Variants in AJAP1 observed in about 807,000 individuals in gnomAD.
AJAP1 encodes the protein adherens junction-associated protein 1.
AJAP1 carries 5 observed loss-of-function variants against 35.0 expected under a neutral mutation model. The observed-to-expected ratio is 0.14, with a 90% CI of 0.07 to 0.30. AJAP1 has a LOEUF of 0.30. AJAP1 is among the 10% of genes least tolerant of loss of function. The pLI, the probability that AJAP1 is intolerant of heterozygous loss-of-function variation, is 1.00. For missense variants in AJAP1, 586 were observed against 571.0 expected (o/e 1.03, Z -0.27); for synonymous variants, 284 against 249.3 (o/e 1.14, Z -1.31).
intron 1 of AJAP1, among the ~76,000 whole-genome samples, chr1:4,657,851 C>G (rs970908234): frequency 3.3e-5 from 5 of 151,760 alleles, no homozygotes; most frequent in Non-Finnish European, 7.4e-5. Context: ...GAGGGAGAAG[C>G]AGATTGAGAC....
At chr1:4,683,595 G>T (rs2100213131) in intron 1 of AJAP1, among the ~76,000 whole-genome samples, 1 of 152,334 alleles carries the variant, frequency 6.6e-6, no homozygotes, top group African/African-American at 2.4e-5. Flanking sequence ...ATTTCTACGG[G>T]TTTTAGGAAA....
At chr1:4,702,125 CGTGTCCCCAGTGTTCTCAT>C (rs1183580565) in intron 1 of AJAP1, among the ~76,000 whole-genome samples, 1 of 151,850 alleles carries the variant, frequency 6.6e-6, no homozygotes, top group Non-Finnish European at 1.5e-5. Context: ...AGTATTCCAA[CGTGTCCCCAGTGTTCTCAT>C]GTGTCCCCAG....
chr1:4,772,712 C>CT (rs1641864364), intron 4 of AJAP1, among the ~76,000 whole-genome samples, 187 bp downstream of exon 4: 1 of 152,194 alleles, frequency 6.6e-6, no homozygotes, highest in East Asian at 1.9e-4. Context: ...TAGCAACAGG[C>CT]GTTTAGCTGC....
intron 2 of AJAP1, among the ~76,000 whole-genome samples, chr1:4,761,615 A>G (rs767999353): frequency 6.6e-6 from 1 of 152,200 alleles, no homozygotes; most frequent in Non-Finnish European, 1.5e-5. Flanking sequence ...ATTGATGTAT[A>G]TATAAGGGGA....
chr1:4,730,951 T>G (rs568633052), intron 2 of AJAP1, among the ~76,000 whole-genome samples: 1 of 152,344 alleles, frequency 6.6e-6, no homozygotes, highest in South Asian at 2.1e-4. Context: ...GTATGTCCTC[T>G]TAGTCTCACT....
At chr1:4,756,401 CT>C (rs1429419487) in intron 2 of AJAP1, among the ~76,000 whole-genome samples, 1 of 152,140 alleles carries the variant, frequency 6.6e-6, no homozygotes, top group African/African-American at 2.4e-5. Flanking sequence ...ATGGCCTGAC[CT>C]TTTCTGACCC....
At position 4,769,800 on chromosome 1, in the gene AJAP1, G is replaced by T. The variant is rs770490485; in HGVS notation, c.830-53G>T. On this transcript the variant is annotated intron_variant, in intron 2 of 5. Coordinates refer to ENST00000378191, the MANE Select transcript of AJAP1 (RefSeq NM_018836.4). ...ACCTCCACCTTTCCCGGCCCCCCTC[G>T]CCTCCTGAACCTGGTTTCACGGGTG... is the stretch of plus-strand genomic sequence containing the variant. 9 of 1,497,402 alleles carry T rather than the reference G, an allele frequency of 6.0e-6. No homozygotes were observed. The Admixed American group carries it at 1.0e-4, about 17-fold the overall frequency. The allele number at this position is 1,497,402 out of a possible 1,614,324, so 92.8% of individuals were successfully genotyped here.
intron 2 of AJAP1, among the ~76,000 whole-genome samples, chr1:4,716,918 C>G (rs1025136301): frequency 6.6e-6 from 1 of 151,886 alleles, no homozygotes; most frequent in Non-Finnish European, 1.5e-5. Context: ...GTAGATGGCA[C>G]TAGCCAAGAA....
intron 1 of AJAP1, among the ~76,000 whole-genome samples, chr1:4,674,356 C>T (rs750085280): frequency 4.1e-4 from 63 of 152,334 alleles, no homozygotes; most frequent in Non-Finnish European, 6.6e-4. Flanking sequence ...GTTTTATTGG[C>T]ACCATGGCCC....
At chr1:4,717,083 C>T (rs1048091005) in intron 2 of AJAP1, among the ~76,000 whole-genome samples, 1 of 152,214 alleles carries the variant, frequency 6.6e-6, no homozygotes, top group Admixed American at 6.5e-5. Flanking sequence ...CCTTCTATGA[C>T]AGCTCTCTTG....
intron 5 of AJAP1, among the ~76,000 whole-genome samples, chr1:4,776,176 G>A (rs558111086): frequency 2.6e-5 from 4 of 152,104 alleles, no homozygotes; most frequent in South Asian, 2.1e-4. Context: ...ACGGCAGCTC[G>A]TGGAACACTT....
intron 5 of AJAP1, among the ~76,000 whole-genome samples, chr1:4,780,588 C>T (rs527672957): frequency 4.6e-5 from 7 of 151,428 alleles, no homozygotes; most frequent in African/African-American, 1.2e-4. Flanking sequence ...CCCAAAGGCA[C>T]GTCCCCTTTC....
At chr1:4,712,933 G>A (rs956123843) in intron 2 of AJAP1, among the ~76,000 whole-genome samples, 2 of 152,174 alleles carry the variant, frequency 1.3e-5, no homozygotes, top group African/African-American at 4.8e-5. Context: ...ACCTAGAAGT[G>A]GGCGCTGCAC....
At chr1:4,755,191 G>T (rs964844248) in intron 2 of AJAP1, among the ~76,000 whole-genome samples, 1 of 152,184 alleles carries the variant, frequency 6.6e-6, no homozygotes, top group South Asian at 2.1e-4. Flanking sequence ...CTATTTATCT[G>T]TTTATTGTTT....
At position 4,787,668 on chromosome 1, in the gene AJAP1, G is replaced by A. The variant is rs1256710164; in HGVS notation, c.*5183G>A. The stretch of plus-strand genomic sequence containing the variant: ...GAGCTTGCCCCATCCCTGGGCACTG[G>A]CTCTGCCCAGCCCCTCCCATGTTGG... On this transcript the variant is annotated 3_prime_UTR_variant, in exon 6 of 6. Transcript: ENST00000378191. 1 of 456,082 alleles carries A rather than the reference G, an allele frequency of 2.2e-6. No homozygotes were observed. The highest frequency in any genetic ancestry group is 2.3e-5 in the Admixed American group (1 of 42,554). 28.3% of individuals were successfully genotyped at this position (456,082 alleles called of 1,614,324 possible).
chr1:4,712,064 G>A lies in AJAP1; in HGVS notation c.194G>A (p.Ser65Asn). 3 of 1,583,926 alleles carry A rather than the reference G, an allele frequency of 1.9e-6. No individual in the cohort carries two copies. Among genetic ancestry groups the A allele is most frequent in the East Asian group, 2.4e-5 (1 of 42,420 alleles). ...CCGCCCCGGCCGCCCCGGCTGTGGAGTTTTAGGAGTGGACAGCCAGCGCGG... is the reference window on the plus strand; with the variant it reads ...CCGCCCCGGCCGCCCCGGCTGTGGAATTTTAGGAGTGGACAGCCAGCGCGG... ...RSPPRPPRLW[S>N]FRSGQPARVP... The change falls in exon 2 of 6, where the codon AGT (serine) becomes AAT (asparagine). Residue 65 changes from serine (S) to asparagine (N), a missense_variant. By Grantham distance (46) the Ser-to-Asn change is conservative. Coordinates refer to ENST00000378191, the MANE Select transcript of AJAP1 (RefSeq NM_018836.4).
chr1:4,710,101 C>T (rs182448469), intron 1 of AJAP1, among the ~76,000 whole-genome samples: 16 of 152,154 alleles, frequency 1.1e-4, no homozygotes, highest in Admixed American at 7.9e-4. Context: ...CAGATACACT[C>T]GCATGCTCAC....
intron 2 of AJAP1, among the ~76,000 whole-genome samples, chr1:4,718,173 G>A (rs1640438103): frequency 6.6e-6 from 1 of 152,058 alleles, no homozygotes. Context: ...TCTGTTGGCC[G>A]ACAGCTCACT....
intron 1 of AJAP1, among the ~76,000 whole-genome samples, chr1:4,698,625 C>T (rs966259469): frequency 1.3e-5 from 2 of 152,214 alleles, no homozygotes; most frequent in African/African-American, 4.8e-5. Flanking sequence ...CCTCCCCTGG[C>T]CACCTGAGGA....
Sources: allele counts gnomAD v4.1 joint callset (sites outside exome capture counted in the v4.1 genomes callset), GRCh38; gene constraint gnomAD v4.1.1; transcripts MANE v1.5; gene names NCBI Gene and HGNC (gene_info 2026-07-23, HGNC 2026-07-21).